The following CDH4 variants were observed in gnomAD, a reference collection of about 807,000 sequenced individuals.
CDH4 encodes cadherin 4, also known as cadherin-4.
A neutral mutation model predicts 86.0 loss-of-function variants in CDH4; 33 were observed. The observed-to-expected ratio is 0.38, with a 90% CI of 0.29 to 0.51. CDH4 has a LOEUF of 0.51. Among genes scored for constraint, CDH4 ranks in the 20% least tolerant of loss-of-function variants. The pLI is 0.86. For missense variants in CDH4, 1,114 were observed against 1,307.4 expected (o/e 0.85, Z 2.28); for synonymous variants, 555 against 549.4 (o/e 1.01, Z -0.14).
chr20:61,305,995 G>A (rs1328057249), intron 2 of CDH4, among the ~76,000 whole-genome samples: 1 of 152,154 alleles, frequency 6.6e-6, no homozygotes, highest in Non-Finnish European at 1.5e-5. Flanking sequence ...TTTTGTCTAG[G>A]CCTTTTGATA....
At chr20:61,428,927 C>T (rs747571823) in intron 2 of CDH4, among the ~76,000 whole-genome samples, 6 of 152,118 alleles carry the variant, frequency 3.9e-5, no homozygotes, top group Non-Finnish European at 7.4e-5. Context: ...GTTCACAGTG[C>T]ATATGTCTCC....
intron 2 of CDH4, among the ~76,000 whole-genome samples, chr20:61,535,262 G>T (rs1332455035): frequency 1.3e-5 from 2 of 152,168 alleles, no homozygotes; most frequent in South Asian, 2.1e-4. Context: ...CAGTAGTCTC[G>T]ACTGGTTCCC....
At chr20:61,376,112 AGTG>A (rs1319345057) in intron 2 of CDH4, among the ~76,000 whole-genome samples, 1 of 12,476 alleles carries the variant, frequency 8.0e-5, no homozygotes, top group African/African-American at 2.9e-4. Flanking sequence ...GTGATGGTGG[AGTG>A]GTGGTGGTGA....
intron 2 of CDH4, among the ~76,000 whole-genome samples, chr20:61,408,395 TC>T (rs974113207): frequency 1.3e-5 from 2 of 152,094 alleles, no homozygotes; most frequent in African/African-American, 4.8e-5. Context: ...CTGGCCATGC[TC>T]TAGATCTGGA....
intron 2 of CDH4, among the ~76,000 whole-genome samples, chr20:61,496,858 T>G (rs1568865365): frequency 6.6e-6 from 1 of 152,222 alleles, no homozygotes; most frequent in Non-Finnish European, 1.5e-5. Flanking sequence ...ATGAAAATAC[T>G]GCATGCAGCT....
chr20:61,783,632 A>ACCCCG lies in CDH4; in HGVS notation c.576+10450_576+10451insCCCCG. Among the ~76,000 whole-genome samples, 5 of 141,266 alleles carry ACCCCG rather than the reference A, an allele frequency of 3.5e-5. 1 individual carries two copies. The highest frequency in any genetic ancestry group is 4.6e-5 in the Non-Finnish European group (3 of 64,898). 92.7% of individuals were successfully genotyped at this position (141,266 alleles called of 152,430 possible). ...ATGTCCTGTGCTCCCAGGAGAATAT[A>ACCCCG]AGCCTAGTTCCTCGGGACAGTTCTC... On this transcript the variant is annotated intron_variant, in intron 4 of 15. Coordinates refer to ENST00000614565, the MANE Select transcript of CDH4 (RefSeq NM_001794.5).
chr20:61,554,742 T>C (rs1457791966), intron 2 of CDH4, among the ~76,000 whole-genome samples: 2 of 152,260 alleles, frequency 1.3e-5, no homozygotes, highest in East Asian at 3.8e-4. Context: ...CATGTACATG[T>C]ACATGCATGA....
chr20:61,267,889 C>T (rs1385991690), intron 2 of CDH4, among the ~76,000 whole-genome samples: 5 of 152,184 alleles, frequency 3.3e-5, no homozygotes, highest in Non-Finnish European at 5.9e-5. Flanking sequence ...GTCTCCTGTC[C>T]TGTGTTTCCA....
intron 2 of CDH4, among the ~76,000 whole-genome samples, chr20:61,667,212 C>A (rs1297293293): frequency 6.6e-6 from 1 of 152,250 alleles, no homozygotes; most frequent in African/African-American, 2.4e-5. Flanking sequence ...ACCCCACCCT[C>A]AGGAAGGCTG....
At chr20:61,871,405 T>A (rs1983798693) in intron 6 of CDH4, among the ~76,000 whole-genome samples, 1 of 152,228 alleles carries the variant, frequency 6.6e-6, no homozygotes, top group Non-Finnish European at 1.5e-5. Context: ...AAGGAGGCTG[T>A]GTGTGATGTT....
At chr20:61,405,387 A>T (rs1171196735) in intron 2 of CDH4, among the ~76,000 whole-genome samples, 1 of 152,012 alleles carries the variant, frequency 6.6e-6, no homozygotes. Flanking sequence ...CTGATGTTTT[A>T]CAGTGCGGCC....
At chr20:61,755,683 C>T (rs2088556253) in intron 3 of CDH4, among the ~76,000 whole-genome samples, 1 of 151,822 alleles carries the variant, frequency 6.6e-6, no homozygotes, top group Non-Finnish European at 1.5e-5. Flanking sequence ...ACCATATACA[C>T]CACACACAGT....
At chr20:61,337,648 G>C (rs1346930697) in intron 2 of CDH4, among the ~76,000 whole-genome samples, 3 of 152,044 alleles carry the variant, frequency 2.0e-5, no homozygotes, top group African/African-American at 7.2e-5. Context: ...GCCTCTCCCT[G>C]TGAGTGCATC....
intron 3 of CDH4, among the ~76,000 whole-genome samples, chr20:61,764,649 GC>G (rs1354436872): frequency 4.6e-5 from 7 of 152,206 alleles, no homozygotes; most frequent in Non-Finnish European, 1.5e-5. Context: ...TATGCATGGG[GC>G]TTTGTCGTGC....
At chr20:61,545,990 G>T (rs2086078796) in intron 2 of CDH4, among the ~76,000 whole-genome samples, 1 of 112,576 alleles carries the variant, frequency 8.9e-6, no homozygotes, top group Non-Finnish European at 1.9e-5. Flanking sequence ...GTGGAGGGGT[G>T]TCTGTGCATG....
intron 2 of CDH4, among the ~76,000 whole-genome samples, chr20:61,447,694 G>A (rs6089669): frequency 0.31 from 46,048 of 148,696 alleles, 8,035 homozygotes; most frequent in East Asian, 0.52. Context: ...TGGGAAGGGA[G>A]GAGAAGAGGT....
chr20:61,573,694 C>G (rs2086362190), intron 2 of CDH4, among the ~76,000 whole-genome samples: 1 of 152,332 alleles, frequency 6.6e-6, no homozygotes, highest in South Asian at 2.1e-4. Flanking sequence ...CCCCCATCCA[C>G]ACGGGGTTCC....
chr20:61,265,966 T>A (rs1159741062), intron 2 of CDH4, among the ~76,000 whole-genome samples: 1 of 152,178 alleles, frequency 6.6e-6, no homozygotes, highest in East Asian at 1.9e-4. Context: ...CTCCACAGGG[T>A]GAACTGCCTG....
chr20:61,267,497 C>T (rs1440976104), intron 2 of CDH4, among the ~76,000 whole-genome samples: 1 of 152,136 alleles, frequency 6.6e-6, no homozygotes, highest in African/African-American at 2.4e-5. Context: ...ACCAGAAAGG[C>T]AAATGAGGCA....
Sources: allele counts gnomAD v4.1 joint callset (sites outside exome capture counted in the v4.1 genomes callset), GRCh38; gene constraint gnomAD v4.1.1; transcripts MANE v1.5; gene names NCBI Gene and HGNC (gene_info 2026-07-23, HGNC 2026-07-21).